PDE10A: variants seen among roughly 807,000 people sequenced by gnomAD.
PDE10A encodes cAMP and cAMP-inhibited cGMP 3',5'-cyclic phosphodiesterase 10A.
In PDE10A, 39 loss-of-function variants were observed where a neutral mutation model predicts 97.7. The observed-to-expected ratio is 0.40, with a 90% CI of 0.31 to 0.52. The LOEUF (loss-of-function observed/expected upper bound fraction) is 0.52, where lower values mean the gene tolerates loss of function less well. Among genes scored for constraint, PDE10A ranks in the 20% least tolerant of loss-of-function variants. PDE10A has a pLI of 0.56. For synonymous variants in PDE10A, 371 were observed against 376.8 expected (o/e 0.98, Z 0.18); for missense variants, 731 against 1,047.8 (o/e 0.70, Z 4.17).
chr6:165,379,134 G>T, intron 18 of PDE10A, 60 bp downstream of exon 18: 1 of 1,119,196 alleles, frequency 8.9e-7, no homozygotes, highest in Non-Finnish European at 1.3e-6. Flanking sequence ...CATTTCTTAA[G>T]TATCAATTTA....
intron 1 of PDE10A, among the ~76,000 whole-genome samples, chr6:165,651,956 C>T (rs1007981998): frequency 1.3e-5 from 2 of 152,232 alleles, no homozygotes; most frequent in Middle Eastern, 3.4e-3. Context: ...GATTCTGCCA[C>T]GTGTCTGGGT....
At chr6:165,577,535 C>G (rs1317418444) in intron 1 of PDE10A, among the ~76,000 whole-genome samples, 1 of 152,158 alleles carries the variant, frequency 6.6e-6, no homozygotes, top group Non-Finnish European at 1.5e-5. Context: ...AGGCGACCCC[C>G]ATCTCTGGGT....
At chr6:165,633,082 A>G (rs1284373260) in intron 1 of PDE10A, among the ~76,000 whole-genome samples, 1 of 150,584 alleles carries the variant, frequency 6.6e-6, no homozygotes, top group East Asian at 1.9e-4. Context: ...ACCGTGTCAA[A>G]AAAAAAAAAG....
intron 1 of PDE10A, among the ~76,000 whole-genome samples, chr6:165,892,898 T>C (rs1781843420): frequency 6.6e-6 from 1 of 152,156 alleles, no homozygotes; most frequent in South Asian, 2.1e-4. Context: ...TTCTAGAAAG[T>C]ATGTGGCTCC....
In PDE10A at chr6:165,711,120, C is replaced by G. The variant is rs912916933; in HGVS notation, c.-614-167552G>C. On this transcript the variant is annotated intron_variant, in intron 1 of 19. Coordinates refer to the PDE10A transcript ENST00000366882. The surrounding 1 kb of genome is among the most constrained non-coding windows in gnomAD (Gnocchi z 4.5). ...CAAAGCCAACAAAGCGGGTCCTTTG[C>G]TCCCACCTTTAAGCATGAAGGGGAG... 6.6e-6 allele frequency among the ~76,000 whole-genome samples: 1 copy of G among 152,226 alleles called. No homozygotes were observed. Among genetic ancestry groups the G allele is most frequent in the Non-Finnish European group, 1.5e-5 (1 of 68,034 alleles).
intron 1 of PDE10A, among the ~76,000 whole-genome samples, chr6:165,782,093 C>A (rs1337130019): frequency 6.6e-6 from 1 of 152,194 alleles, no homozygotes. Flanking sequence ...TAAGTGTAAT[C>A]TGGAAGTTCT....
At chr6:165,618,950 T>C (rs1202161052) in intron 1 of PDE10A, among the ~76,000 whole-genome samples, 2 of 145,250 alleles carry the variant, frequency 1.4e-5, no homozygotes, top group African/African-American at 5.6e-5. Flanking sequence ...TAGTCTAGTG[T>C]AGTGCAGTGT....
At chr6:165,862,295 G>T (rs993093260) in intron 1 of PDE10A, among the ~76,000 whole-genome samples, 3 of 152,198 alleles carry the variant, frequency 2.0e-5, no homozygotes, top group African/African-American at 7.2e-5. Context: ...TTCACAGGTG[G>T]CATGAAACCA....
intron 13 of PDE10A, among the ~76,000 whole-genome samples, chr6:165,403,185 T>C (rs754824944): frequency 6.6e-6 from 1 of 152,214 alleles, no homozygotes; most frequent in African/African-American, 2.4e-5. Context: ...CTCTCAGCGC[T>C]ATCAGCAACC....
chr6:165,524,762 T>G (rs141995896), intron 2 of PDE10A, among the ~76,000 whole-genome samples: 1 of 152,158 alleles, frequency 6.6e-6, no homozygotes, highest in Non-Finnish European at 1.5e-5. Flanking sequence ...GAAAGATGCA[T>G]GCACAGCCTC....
In PDE10A at chr6:165,564,765, T is replaced by A. The variant is rs1784693668; in HGVS notation, c.866-21197A>T. ...CGAATACATCTTACTTTAAACATTT[T>A]ATTTTCTGCTTATAAAATGGAAATA... On this transcript the variant is annotated intron_variant, in intron 1 of 21. Coordinates refer to ENST00000539869, the MANE Select transcript of PDE10A (RefSeq NM_001385079.1). Among the ~76,000 whole-genome samples, 5 of 152,374 alleles carry A rather than the reference T, an allele frequency of 3.3e-5. No homozygotes were observed. In the South Asian group the frequency reaches 1.0e-3, roughly 32 times the overall value.
intron 19 of PDE10A, among the ~76,000 whole-genome samples, chr6:165,339,847 C>T (rs1781875102): frequency 6.6e-6 from 1 of 152,180 alleles, no homozygotes; most frequent in Non-Finnish European, 1.5e-5. Context: ...ATCTAATTTA[C>T]AATTATAGGT....
chr6:165,333,650 G>A lies in PDE10A; in HGVS notation c.3066-523C>T, dbSNP rs566412211. On this transcript the variant is annotated intron_variant, in intron 21 of 21. Coordinates refer to ENST00000539869, the MANE Select transcript of PDE10A (RefSeq NM_001385079.1). ...CCTAAGTTACACCTGGCAAAACTTC[G>A]GAAATTTTCTTGTTACAGTAAAACC... Among the ~76,000 whole-genome samples the A allele has an allele frequency of 1.8e-4, 27 of 152,272 alleles. No individual in the cohort carries two copies. The South Asian group carries it at 5.0e-3, about 28-fold the overall frequency.
chr6:165,759,667 G>A (rs936721791), intron 1 of PDE10A, among the ~76,000 whole-genome samples: 5 of 152,148 alleles, frequency 3.3e-5, no homozygotes, highest in Non-Finnish European at 7.4e-5. Flanking sequence ...TCCAACCAAT[G>A]ATATTTTTTC....
chr6:165,839,155 A>G (rs771570965), intron 1 of PDE10A, among the ~76,000 whole-genome samples: 1 of 152,240 alleles, frequency 6.6e-6, no homozygotes, highest in Non-Finnish European at 1.5e-5. Flanking sequence ...GTGACCCTGA[A>G]TGAGTCATTT....
At chr6:165,463,369 G>T (rs943091433) in intron 3 of PDE10A, among the ~76,000 whole-genome samples, 2 of 152,156 alleles carry the variant, frequency 1.3e-5, no homozygotes, top group African/African-American at 4.8e-5. Flanking sequence ...CTACAAACTG[G>T]TTTTTGGATA....
chr6:165,445,256 T>G (rs1790761253), intron 5 of PDE10A, among the ~76,000 whole-genome samples: 1 of 152,208 alleles, frequency 6.6e-6, no homozygotes, highest in African/African-American at 2.4e-5. Flanking sequence ...AATTTGAAAT[T>G]TATTTAAAGG....
intron 1 of PDE10A, among the ~76,000 whole-genome samples, chr6:165,982,757 C>A (rs150088507): frequency 6.7e-6 from 1 of 148,398 alleles, no homozygotes; most frequent in Admixed American, 6.7e-5. Context: ...TACAACTATT[C>A]GGGGTTTTCA....
chr6:165,425,230 T>A (rs1020258815), intron 10 of PDE10A, among the ~76,000 whole-genome samples: 18 of 151,970 alleles, frequency 1.2e-4, no homozygotes, highest in African/African-American at 2.2e-4. Context: ...AACAATTTTT[T>A]AAAAAAAACT....
Sources: gnomAD v4.1 joint callset for allele counts (sites outside exome capture counted in the v4.1 genomes callset) on GRCh38, gnomAD v4.1.1 for gene constraint, Gnocchi (gnomAD v3.1) non-coding constraint, MANE v1.5 for transcripts, NCBI Gene and HGNC (gene_info 2026-07-23, HGNC 2026-07-21) for gene names.